The following C10orf143 variants were observed in gnomAD, a reference collection of about 807,000 sequenced individuals.
C10orf143 encodes the protein uncharacterized protein C10orf143.
At chr10:130,048,073 T>C (rs969256536) in intron 3 of C10orf143, among the ~76,000 whole-genome samples, 1 of 152,192 alleles carries the variant, frequency 6.6e-6, no homozygotes, top group Non-Finnish European at 1.5e-5. Flanking sequence ...ATCCCAGTCA[T>C]GGGGCATCAC....
rs760582547 is a variant in C10orf143, at chr10:130,087,619, C to T, written c.70-7718G>A. On this transcript the variant is annotated intron_variant, in intron 1 of 3. Transcript: ENST00000637128. ...TGTTGAGGGGGACTTCTTCCTTTTC[C>T]GGAGGTGATGGTCCCAAGTGAGCTT... is the stretch of plus-strand genomic sequence containing the variant. Among the ~76,000 whole-genome samples the T allele has an allele frequency of 3.9e-5, 6 of 152,124 alleles. No homozygotes were observed. The East Asian group carries it at 5.8e-4, about 15-fold the overall frequency.
intron 1 of C10orf143, among the ~76,000 whole-genome samples, chr10:130,109,338 G>C (rs1366514696): frequency 6.6e-6 from 1 of 152,100 alleles, no homozygotes; most frequent in Non-Finnish European, 1.5e-5. Flanking sequence ...ATGCAGAGGA[G>C]GGTGACACCC....
Position 130,065,558 on chromosome 10 carries a change from T to A in C10orf143, c.298-1175A>T, listed in dbSNP as rs1367742173. Reference sequence around the variant, plus strand: ...CTGGGAGGTCAAGCAACACTGAGATTTGAAGGGCCCTGGATGCCATGGTGA... The same window carrying A: ...CTGGGAGGTCAAGCAACACTGAGATATGAAGGGCCCTGGATGCCATGGTGA... On this transcript the variant is annotated intron_variant, in intron 3 of 3. Transcript: ENST00000637128. This position sits in a 1 kb window ranked among gnomAD's most constrained non-coding sequence, Gnocchi z 4.2. 6.6e-6 allele frequency: 1 copy of A among 152,276 alleles called. No individual in the cohort carries two copies. Among genetic ancestry groups the A allele is most frequent in the Non-Finnish European group, 1.5e-5 (1 of 68,176 alleles). The allele number at this position is 152,276 out of a possible 1,614,324, so 9.4% of individuals were successfully genotyped here.
rs183963161 is a variant in C10orf143 at position 130,084,300 on chromosome 10, C to T, written c.70-4399G>A. 3.5e-3 allele frequency among the ~76,000 whole-genome samples: 504 copies of T among 145,130 alleles called. 6 individuals carry two copies. The highest frequency in any genetic ancestry group is 0.012 in the African/African-American group (479 of 39,428). On this transcript the variant is annotated intron_variant, in intron 1 of 3. Coordinates refer to ENST00000637128, the MANE Select transcript of C10orf143 (RefSeq NM_001355042.2). Reference sequence around the variant, plus strand: ...CTGCACTCCAACCTGTGCAACAGAGCAAGACTCCATCTCAAAAAGAAAAAA... The same window carrying T: ...CTGCACTCCAACCTGTGCAACAGAGTAAGACTCCATCTCAAAAAGAAAAAA...
chr10:130,036,990 C>G (rs927570241), intron 3 of C10orf143, among the ~76,000 whole-genome samples: 1 of 152,186 alleles, frequency 6.6e-6, no homozygotes, highest in African/African-American at 2.4e-5. Context: ...ACTGGGCCAG[C>G]AGGTGACAGT....
intron 1 of C10orf143, among the ~76,000 whole-genome samples, chr10:130,089,402 G>A (rs1430954593): frequency 6.6e-6 from 1 of 152,146 alleles, no homozygotes; most frequent in East Asian, 1.9e-4. Flanking sequence ...TATTTCATTT[G>A]ATCCTCACAA....
At chr10:130,099,259 A>C (rs1861509827) in intron 1 of C10orf143, among the ~76,000 whole-genome samples, 1 of 152,160 alleles carries the variant, frequency 6.6e-6, no homozygotes, top group African/African-American at 2.4e-5. Flanking sequence ...AATATAGCTC[A>C]ACAGATTGTT....
chr10:130,109,894 G>A (rs564674780), intron 1 of C10orf143, among the ~76,000 whole-genome samples: 2 of 152,224 alleles, frequency 1.3e-5, no homozygotes, highest in East Asian at 1.9e-4. Context: ...GCTCACTGCT[G>A]CCCCTAGCGA....
chr10:130,067,970 C>T (rs1387230594), intron 3 of C10orf143: 2 of 152,442 alleles, frequency 1.3e-5, no homozygotes, highest in Non-Finnish European at 2.9e-5. Flanking sequence ...AGTGCAGGGG[C>T]CAGACCCAAG....
chr10:130,043,996 G>GGAGA (rs139473238), intron 3 of C10orf143, among the ~76,000 whole-genome samples: 166 of 149,474 alleles, frequency 1.1e-3, no homozygotes, highest in African/African-American at 3.1e-3. Flanking sequence ...ACCATGGCAG[G>GGAGA]GAGAGAGAGA....
At chr10:130,063,765 G>A (rs1217170471), downstream of C10orf143, 2 of 152,170 alleles carry the variant, frequency 1.3e-5, no homozygotes, top group Non-Finnish European at 2.9e-5. Flanking sequence ...ACAGTCAGAC[G>A]ATACATTGAA....
intron 3 of C10orf143, among the ~76,000 whole-genome samples, chr10:130,049,490 C>T (rs968554065): frequency 2.6e-5 from 4 of 152,348 alleles, no homozygotes; most frequent in South Asian, 2.1e-4. Context: ...CCAGCCAGAT[C>T]GCCTCCACCT....
chr10:130,094,059 A>T (rs1861426304), intron 1 of C10orf143, among the ~76,000 whole-genome samples: 1 of 151,502 alleles, frequency 6.6e-6, no homozygotes, highest in South Asian at 2.1e-4. Context: ...CACTGATCCC[A>T]CAGAAATACA....
chr10:130,068,716 T>C (rs1860981621), intron 3 of C10orf143: 1 of 120,206 alleles, frequency 8.3e-6, no homozygotes, highest in African/African-American at 2.8e-5. Context: ...TTTATACATA[T>C]AAACTAAACA....
At chr10:130,099,608 C>T (rs535293473) in intron 1 of C10orf143, among the ~76,000 whole-genome samples, 187 of 152,004 alleles carry the variant, frequency 1.2e-3, no homozygotes, top group African/African-American at 4.3e-3. Flanking sequence ...ATGATCTCGG[C>T]TCAGTGCAAC....
chr10:130,105,699 C>CGG (rs1861629564), intron 1 of C10orf143, among the ~76,000 whole-genome samples: 2 of 152,156 alleles, frequency 1.3e-5, no homozygotes, highest in African/African-American at 4.8e-5. Context: ...CACTGCACTC[C>CGG]GGCCTGGGCG....
chr10:130,106,904 G>T (rs1373931024), intron 1 of C10orf143: 1 of 1,033,754 alleles, frequency 9.7e-7, no homozygotes, highest in Non-Finnish European at 1.5e-6. Flanking sequence ...AGACGTAACG[G>T]ATGATGATAA....
downstream of C10orf143, among the ~76,000 whole-genome samples, chr10:130,059,187 A>G (rs895737255): frequency 6.6e-6 from 1 of 152,224 alleles, no homozygotes; most frequent in African/African-American, 2.4e-5. Context: ...TGTGTAAGTT[A>G]CAATCAACTC....
At chr10:130,097,674 G>T (rs1020093727) in intron 1 of C10orf143, among the ~76,000 whole-genome samples, 1 of 152,150 alleles carries the variant, frequency 6.6e-6, no homozygotes, top group Non-Finnish European at 1.5e-5. Flanking sequence ...TAACCAAAAT[G>T]AATGGATAAA....
Sources: allele counts gnomAD v4.1 joint callset (sites outside exome capture counted in the v4.1 genomes callset), GRCh38; gene constraint gnomAD v4.1.1; non-coding constraint Gnocchi (gnomAD v3.1); transcripts MANE v1.5; gene names NCBI Gene and HGNC (gene_info 2026-07-23, HGNC 2026-07-21).